Variants in PDK1 observed in about 807,000 individuals in gnomAD.
The protein encoded by PDK1 is [Pyruvate dehydrogenase (acetyl-transferring)] kinase isozyme 1, mitochondrial.
In PDK1, 39 loss-of-function variants were observed where a neutral mutation model predicts 54.2. The observed-to-expected ratio is 0.72, with a 90% CI of 0.56 to 0.94. The LOEUF (loss-of-function observed/expected upper bound fraction) is 0.94, where lower values mean the gene tolerates loss of function less well. PDK1 is among the 40% of genes least tolerant of loss of function. The probability of loss-of-function intolerance (pLI) is 0.00; values close to 1 mark genes in which losing one functional copy is unlikely to be tolerated. For synonymous variants in PDK1, 221 were observed against 207.1 expected (o/e 1.07, Z -0.58); for missense variants, 552 against 566.0 (o/e 0.98, Z 0.25).
chr2:172,593,137 A>C, intron 10 of PDK1, 89 bp downstream of exon 10: 1 of 663,150 alleles, frequency 1.5e-6, no homozygotes, highest in Non-Finnish European at 2.6e-6. Context: ...TAACTCTACC[A>C]CATGCTGTTT....
the PDK1 span, among the ~76,000 whole-genome samples, chr2:172,665,363 C>G: frequency 6.6e-6 from 1 of 152,148 alleles, no homozygotes; most frequent in African/African-American, 2.4e-5. Context: ...CTGCAGCTCT[C>G]TAGGTTTGCT....
At chr2:172,660,260 T>TTTTC in the PDK1 span, among the ~76,000 whole-genome samples, 1 of 127,256 alleles carries the variant, frequency 7.9e-6, no homozygotes, top group African/African-American at 2.9e-5. Context: ...TTTTTTTTTT[T>TTTTC]TTTTTTTTTT....
At chr2:172,706,648 C>G in the PDK1 span, among the ~76,000 whole-genome samples, 1 of 152,128 alleles carries the variant, frequency 6.6e-6, no homozygotes, top group Admixed American at 6.5e-5. Flanking sequence ...AGGCTGGTCT[C>G]AAACTTCTGG....
At chr2:172,594,144 TC>T (rs1399148872) in intron 10 of PDK1, among the ~76,000 whole-genome samples, 1 of 151,872 alleles carries the variant, frequency 6.6e-6, no homozygotes, top group Non-Finnish European at 1.5e-5. Context: ...TTCAAGCTGT[TC>T]TCCTGCCTCA....
At chr2:172,667,944 GAT>G in the PDK1 span, among the ~76,000 whole-genome samples, 9 of 152,204 alleles carry the variant, frequency 5.9e-5, no homozygotes, top group Non-Finnish European at 8.8e-5. Flanking sequence ...TATCCAGTAA[GAT>G]TATGCTTTGC....
intron 8 of PDK1, among the ~76,000 whole-genome samples, chr2:172,583,281 G>GTTTTTTTTTTTTTTTTTTTTTTTTTTTT (rs1175087926): frequency 3.9e-5 from 3 of 77,058 alleles, no homozygotes; most frequent in African/African-American, 1.1e-4. Flanking sequence ...AAGTTTTCTG[G>GTTTTTTTTTTTTTTTTTTTTTTTTTTTT]TTTTTTTTTT....
At chr2:172,706,119 G>A in the PDK1 span, among the ~76,000 whole-genome samples, 3 of 152,152 alleles carry the variant, frequency 2.0e-5, no homozygotes, top group Admixed American at 2.0e-4. Context: ...CTCTCATGTG[G>A]CTTGGTAATA....
chr2:172,663,968 CT>C, the PDK1 span, among the ~76,000 whole-genome samples: 53 of 145,618 alleles, frequency 3.6e-4, no homozygotes, highest in Admixed American at 4.8e-4. Flanking sequence ...CCATATGTGG[CT>C]TTTTTTTTTT....
In PDK1 at chr2:172,595,971, C is replaced by G. The variant is rs2149303365; in HGVS notation, c.*2C>G. 1 of 1,607,144 alleles carries G rather than the reference C, an allele frequency of 6.2e-7. No individual in the cohort carries two copies. The highest frequency in any genetic ancestry group is 2.2e-5 in the East Asian group (1 of 44,726). On this transcript the variant is annotated 3_prime_UTR_variant, in exon 11 of 11. Transcript: ENST00000282077. ...ATGACGACGTTCCGCAGTGCCTAGA[C>G]ACACTTGGGACATCGGAAAATCCAA...
intron 9 of PDK1, 129 bp downstream of exon 9, chr2:172,586,517 C>A: frequency 1.9e-6 from 1 of 527,524 alleles, no homozygotes; most frequent in Non-Finnish European, 3.4e-6. Context: ...TAGAAATGCA[C>A]ACTTTCCCCT....
chr2:172,629,797 T>C, the PDK1 span, among the ~76,000 whole-genome samples: 118,866 of 152,100 alleles, frequency 0.78, 47,022 homozygotes, highest in East Asian at 0.98. Flanking sequence ...CATGGAGTTC[T>C]GCTCCTGCCG....
At chr2:172,587,708 TGCTGATTGGTCTATTTTATAGAGA>T (rs1338518655) in intron 9 of PDK1, among the ~76,000 whole-genome samples, 2 of 152,234 alleles carry the variant, frequency 1.3e-5, no homozygotes, top group African/African-American at 2.4e-5. Flanking sequence ...ACCCACATCC[TGCTGATTGGTCTATTTTATAGAGA>T]GCTGATTGGT....
At chr2:172,618,833 T>C in the PDK1 span, among the ~76,000 whole-genome samples, 1 of 152,010 alleles carries the variant, frequency 6.6e-6, no homozygotes. Flanking sequence ...AGTTCCAGAG[T>C]TGGGGATGGC....
chr2:172,692,680 G>A, the PDK1 span, among the ~76,000 whole-genome samples: 3 of 152,224 alleles, frequency 2.0e-5, no homozygotes, highest in Non-Finnish European at 4.4e-5. Context: ...CTTGCAGTGA[G>A]GTGATGCTGG....
At chr2:172,609,082 G>T (rs1005235964), downstream of PDK1, among the ~76,000 whole-genome samples, 12 of 152,116 alleles carry the variant, frequency 7.9e-5, no homozygotes, top group African/African-American at 2.7e-4. Flanking sequence ...AGTTAATAAT[G>T]GACACTTTTG....
At chr2:172,651,258 G>T in the PDK1 span, among the ~76,000 whole-genome samples, 2 of 152,158 alleles carry the variant, frequency 1.3e-5, no homozygotes, top group Admixed American at 6.5e-5. Flanking sequence ...CATAAATAAA[G>T]ATGTTCTTTG....
chr2:172,586,519 C>T, intron 9 of PDK1, 131 bp downstream of exon 9: 1 of 522,508 alleles, frequency 1.9e-6, no homozygotes, highest in Non-Finnish European at 3.5e-6. Context: ...GAAATGCACA[C>T]TTTCCCCTAA....
At chr2:172,582,037 C>T (rs965510140) in intron 8 of PDK1, among the ~76,000 whole-genome samples, 2 of 151,984 alleles carry the variant, frequency 1.3e-5, no homozygotes, top group Admixed American at 6.6e-5. Flanking sequence ...CTCAGCCTCC[C>T]GAGTAGTGGG....
intron 8 of PDK1, among the ~76,000 whole-genome samples, chr2:172,585,051 C>T (rs923460333): frequency 2.0e-5 from 3 of 151,988 alleles, no homozygotes; most frequent in Non-Finnish European, 4.4e-5. Flanking sequence ...GGCTGGAGTA[C>T]AGTGGTGCCA....
Sources: gnomAD v4.1 joint callset for allele counts (sites outside exome capture counted in the v4.1 genomes callset) on GRCh38, gnomAD v4.1.1 for gene constraint, MANE v1.5 for transcripts, NCBI Gene and HGNC (gene_info 2026-07-23, HGNC 2026-07-21) for gene names.